SDC2: variants seen among roughly 807,000 people sequenced by gnomAD.
The protein encoded by SDC2 is syndecan 2.
In SDC2, 13 loss-of-function variants were observed where a neutral mutation model predicts 22.2. The observed-to-expected ratio is 0.59, with a 90% CI of 0.38 to 0.93. SDC2 has a LOEUF of 0.93. SDC2 is among the 40% of genes least tolerant of loss of function. The pLI is 0.00. For missense variants in SDC2, 235 were observed against 246.8 expected (o/e 0.95, Z 0.32); for synonymous variants, 94 against 92.8 (o/e 1.01, Z -0.07).
intron 1 of SDC2, among the ~76,000 whole-genome samples, chr8:96,516,765 T>C (rs1813408103): frequency 6.6e-6 from 1 of 152,250 alleles, no homozygotes; most frequent in Non-Finnish European, 1.5e-5. Context: ...TTCATCTCTC[T>C]TTATTGCCAA....
chr8:96,538,436 CAG>C (rs1813788832), intron 1 of SDC2, among the ~76,000 whole-genome samples: 1 of 152,094 alleles, frequency 6.6e-6, no homozygotes. Context: ...ATGTTACTTT[CAG>C]GGAATTTTTT....
At chr8:96,525,977 A>G (rs2575734) in intron 1 of SDC2, among the ~76,000 whole-genome samples, 31,706 of 152,096 alleles carry the variant, frequency 0.21, 3,858 homozygotes, top group African/African-American at 0.33. Context: ...CTGTTTCAAA[A>G]ATGAACAAAG....
At chr8:96,503,589 G>A (rs1414457760) in intron 1 of SDC2, among the ~76,000 whole-genome samples, 1 of 152,144 alleles carries the variant, frequency 6.6e-6, no homozygotes, top group East Asian at 1.9e-4. Flanking sequence ...AATAAGATTG[G>A]TAGATTGTAT....
intron 1 of SDC2, among the ~76,000 whole-genome samples, chr8:96,550,669 A>G (rs939120457): frequency 6.6e-6 from 1 of 152,206 alleles, no homozygotes; most frequent in Non-Finnish European, 1.5e-5. Flanking sequence ...AGCCCAAACA[A>G]GACCCCTGAC....
intron 1 of SDC2, among the ~76,000 whole-genome samples, chr8:96,588,922 T>G (rs570193389): frequency 1.9e-3 from 292 of 152,362 alleles, no homozygotes; most frequent in African/African-American, 6.7e-3. Flanking sequence ...TGGTATTTGT[T>G]CAGTGTAGGT....
chr8:96,592,016 C>T (rs566302482), intron 1 of SDC2, among the ~76,000 whole-genome samples: 1 of 152,264 alleles, frequency 6.6e-6, no homozygotes, highest in African/African-American at 2.4e-5. Context: ...AACAGGGTGG[C>T]GTCAGATTGC....
intron 1 of SDC2, among the ~76,000 whole-genome samples, chr8:96,569,595 C>A (rs180743916): frequency 9.0e-4 from 137 of 152,194 alleles, no homozygotes; most frequent in Middle Eastern, 6.8e-3. Context: ...AAGTTGGAGT[C>A]CAATTGTGGA....
chr8:96,512,893 T>C (rs1158372994), intron 1 of SDC2, among the ~76,000 whole-genome samples: 1 of 152,258 alleles, frequency 6.6e-6, no homozygotes, highest in Non-Finnish European at 1.5e-5. Context: ...ATTATGTAAA[T>C]AGAAGCCTTT....
chr8:96,609,759 C>G lies in SDC2; in HGVS notation c.*211C>G. On this transcript the variant is annotated 3_prime_UTR_variant, in exon 5 of 5. Transcript: ENST00000302190. ...AACATCTGCAGTGTTCTGTGAATAGCAGTGGCAAAATATTATGTTATGAAA... is the reference window on the plus strand; with the variant it reads ...AACATCTGCAGTGTTCTGTGAATAGGAGTGGCAAAATATTATGTTATGAAA... 1 of 378,682 alleles carries G rather than the reference C, an allele frequency of 2.6e-6. No homozygotes were observed. The highest frequency in any genetic ancestry group is 4.7e-6 in the Non-Finnish European group (1 of 214,596). 23.5% of individuals were successfully genotyped at this position (378,682 alleles called of 1,614,324 possible).
intron 1 of SDC2, among the ~76,000 whole-genome samples, chr8:96,522,589 G>A (rs1563647597): frequency 1.3e-5 from 2 of 152,162 alleles, no homozygotes; most frequent in African/African-American, 4.8e-5. Flanking sequence ...TCTCTGTACT[G>A]TGCTGATATC....
intron 1 of SDC2, among the ~76,000 whole-genome samples, chr8:96,503,025 C>T (rs569780597): frequency 6.6e-6 from 1 of 152,250 alleles, no homozygotes; most frequent in Admixed American, 6.5e-5. Flanking sequence ...TTGGGGTAGA[C>T]TAGTTCTACG....
At chr8:96,558,934 A>G (rs1379915925) in intron 1 of SDC2, among the ~76,000 whole-genome samples, 1 of 152,162 alleles carries the variant, frequency 6.6e-6, no homozygotes, top group Non-Finnish European at 1.5e-5. Flanking sequence ...TCTTAATGCA[A>G]ATATTATTTT....
At position 96,557,542 on chromosome 8, in the gene SDC2, G is replaced by A. The variant is rs865926827; in HGVS notation, c.61-35938G>A. ...TCGCAAGAACAAAAAACCAAACACCGCATATTCTCACTCATAGGTGGGAAC... is the reference window on the plus strand; with the variant it reads ...TCGCAAGAACAAAAAACCAAACACCACATATTCTCACTCATAGGTGGGAAC... On this transcript the variant is annotated intron_variant, in intron 1 of 4. Transcript: ENST00000302190. Among the ~76,000 whole-genome samples the A allele has an allele frequency of 1.6e-3, 242 of 147,600 alleles. 2 individuals carry two copies. The highest frequency in any genetic ancestry group is 5.1e-3 in the African/African-American group (205 of 40,302).
At chr8:96,579,147 C>A (rs1814552193) in intron 1 of SDC2, among the ~76,000 whole-genome samples, 1 of 152,192 alleles carries the variant, frequency 6.6e-6, no homozygotes, top group African/African-American at 2.4e-5. Context: ...GACAATAAAG[C>A]ATTATGGGCT....
chr8:96,590,084 G>C (rs1292828263), intron 1 of SDC2, among the ~76,000 whole-genome samples: 1 of 152,196 alleles, frequency 6.6e-6, no homozygotes, highest in Non-Finnish European at 1.5e-5. Flanking sequence ...CCCTCTATCT[G>C]TCTGCCGCAC....
chr8:96,565,784 G>A (rs912611140), intron 1 of SDC2, among the ~76,000 whole-genome samples: 5 of 152,098 alleles, frequency 3.3e-5, no homozygotes, highest in Non-Finnish European at 5.9e-5. Context: ...TGAATGTAAC[G>A]GCGTTCCTCC....
intron 1 of SDC2, among the ~76,000 whole-genome samples, chr8:96,585,223 C>T (rs1814662004): frequency 6.6e-6 from 1 of 152,142 alleles, no homozygotes; most frequent in African/African-American, 2.4e-5. Context: ...AACAAAAGGG[C>T]ATAATGTGAA....
intron 1 of SDC2, among the ~76,000 whole-genome samples, chr8:96,575,994 T>A (rs1439553856): frequency 6.6e-6 from 1 of 152,174 alleles, no homozygotes; most frequent in Non-Finnish European, 1.5e-5. Flanking sequence ...CAAAGAAACC[T>A]TTTCCCTTTA....
In SDC2 at chr8:96,570,083, AT is replaced by A. The variant is rs531954576; in HGVS notation, c.61-23394del. 3.4e-4 allele frequency among the ~76,000 whole-genome samples: 52 copies of A among 152,338 alleles called. No homozygotes were observed. The Middle Eastern group carries it at 0.01, about 30-fold the overall frequency. ...TTGAAAGTGCCTTAAATGTTAACTG[AT>A]TTAATGCTTTTGGCAGCTGCTTGAG... On this transcript the variant is annotated intron_variant, in intron 1 of 4. Coordinates refer to ENST00000302190, the MANE Select transcript of SDC2 (RefSeq NM_002998.4).
Sources: gnomAD v4.1 joint callset for allele counts (sites outside exome capture counted in the v4.1 genomes callset) on GRCh38, gnomAD v4.1.1 for gene constraint, MANE v1.5 for transcripts, NCBI Gene and HGNC (gene_info 2026-07-23, HGNC 2026-07-21) for gene names.